The following DIAPH1 variants were observed in gnomAD, a reference collection of about 807,000 sequenced individuals.
The protein encoded by DIAPH1 is diaphanous related formin 1.
Under a neutral mutation model 140.7 loss-of-function variants are expected in DIAPH1, and 46 were observed. That is an observed-to-expected ratio of 0.33 (90% CI 0.26 to 0.42). The LOEUF (loss-of-function observed/expected upper bound fraction) is 0.42. DIAPH1 is among the 10% of genes least tolerant of loss of function. The pLI is 1.00. For synonymous variants in DIAPH1, 565 were observed against 551.6 expected, an observed-to-expected ratio of 1.02 and a Z score of -0.34; for missense variants, 1,310 against 1,558.7, an observed-to-expected ratio of 0.84 and a Z score of 2.69.
chr5:141,578,052 T>C, intron 11 of DIAPH1, 173 bp downstream of exon 11: 1 of 697,438 alleles, frequency 1.4e-6, no homozygotes, highest in Non-Finnish European at 2.6e-6. Context: ...TGATCTATGA[T>C]AAGCTAAGTA....
At chr5:141,603,992 C>T (rs892005451) in intron 1 of DIAPH1, among the ~76,000 whole-genome samples, 2 of 152,138 alleles carry the variant, frequency 1.3e-5, no homozygotes, top group Admixed American at 6.6e-5. Context: ...AGGTAGAAAC[C>T]GGGCTGAGGA....
At chr5:141,617,031 C>A (rs1195353258) in intron 1 of DIAPH1, among the ~76,000 whole-genome samples, 2 of 152,182 alleles carry the variant, frequency 1.3e-5, no homozygotes, top group African/African-American at 2.4e-5. Context: ...TAAAATTCTA[C>A]TCAAGACATG....
intron 14 of DIAPH1, 65 bp from the exon 15 acceptor site, chr5:141,575,211 T>C: frequency 6.4e-7 from 1 of 1,550,720 alleles, no homozygotes; most frequent in East Asian, 2.2e-5. Context: ...CAAGTATTAT[T>C]ACCCATAATT....
intron 18 of DIAPH1, chr5:141,563,383 G>T (rs959977295): frequency 5.3e-5 from 8 of 152,168 alleles, no homozygotes; most frequent in African/African-American, 1.7e-4. Context: ...TACCTATTCA[G>T]ATACAGATAC....
intron 27 of DIAPH1, among the ~76,000 whole-genome samples, chr5:141,522,588 A>C (rs2099886718): frequency 6.6e-6 from 1 of 151,918 alleles, no homozygotes; most frequent in African/African-American, 2.4e-5. Flanking sequence ...CAAAAAAAAA[A>C]AAAAAAAAAA....
chr5:141,598,631 T>G (rs575226882), intron 1 of DIAPH1, among the ~76,000 whole-genome samples: 1 of 152,314 alleles, frequency 6.6e-6, no homozygotes, highest in East Asian at 1.9e-4. Context: ...TGTGGTAAGA[T>G]AAATCTTTTG....
intron 1 of DIAPH1, among the ~76,000 whole-genome samples, chr5:141,603,424 T>C (rs1031775596): frequency 9.9e-5 from 15 of 152,162 alleles, no homozygotes; most frequent in Non-Finnish European, 1.5e-5. Flanking sequence ...AAAGGAAACA[T>C]AGTAAAAGAC....
chr5:141,529,823 C>T, intron 19 of DIAPH1, 126 bp from the exon 20 acceptor site: 1 of 811,546 alleles, frequency 1.2e-6, no homozygotes, highest in South Asian at 1.4e-5. Flanking sequence ...GTGGCTCATG[C>T]CTGTAATCCC....
chr5:141,596,044 C>G, intron 1 of DIAPH1, among the ~76,000 whole-genome samples: 1 of 151,972 alleles, frequency 6.6e-6, no homozygotes. Context: ...ATCAGCCAGG[C>G]ATGGGCCAGC....
intron 18 of DIAPH1, among the ~76,000 whole-genome samples, chr5:141,548,288 A>G (rs1316845895): frequency 6.6e-6 from 1 of 152,022 alleles, no homozygotes; most frequent in Non-Finnish European, 1.5e-5. Context: ...TTTAAAAAAA[A>G]AAAAAAGAAA....
At chr5:141,575,961 C>T (rs1411143811) in intron 14 of DIAPH1, among the ~76,000 whole-genome samples, 1 of 152,160 alleles carries the variant, frequency 6.6e-6, no homozygotes, top group Admixed American at 6.5e-5. Flanking sequence ...CTGAGAGTGC[C>T]ATTACTATTA....
At chr5:141,559,442 C>T (rs2099893178) in intron 18 of DIAPH1, among the ~76,000 whole-genome samples, 1 of 152,106 alleles carries the variant, frequency 6.6e-6, no homozygotes, top group Non-Finnish European at 1.5e-5. Context: ...TAAGGAGGGA[C>T]AGGGCAAACT....
chr5:141,560,048 G>A (rs1009137141), intron 18 of DIAPH1, among the ~76,000 whole-genome samples: 1 of 152,154 alleles, frequency 6.6e-6, no homozygotes, highest in African/African-American at 2.4e-5. Flanking sequence ...AAAAGATGAT[G>A]ACTTTTTAAA....
chr5:141,571,721 A>G, intron 17 of DIAPH1: 2 of 697,104 alleles, frequency 2.9e-6, no homozygotes, highest in Admixed American at 2.1e-5. Flanking sequence ...ACCTACATAC[A>G]ACAGTTCTCT....
At chr5:141,526,704 G>T (rs949378426) in intron 24 of DIAPH1, among the ~76,000 whole-genome samples, 84 of 152,102 alleles carry the variant, frequency 5.5e-4, no homozygotes, top group African/African-American at 9.6e-4. Flanking sequence ...GTTTGTTTGT[G>T]TTTGTTTGTT....
In DIAPH1 at chr5:141,515,294, G is replaced by GC. The variant is rs2099885515; in HGVS notation, c.*1556dup. 1 of 152,328 alleles carries GC rather than the reference G, an allele frequency of 6.6e-6. No individual in the cohort carries two copies. Among genetic ancestry groups the GC allele is most frequent in the Non-Finnish European group, 1.5e-5 (1 of 68,050 alleles). 9.4% of individuals were successfully genotyped at this position (152,328 alleles called of 1,614,324 possible). On this transcript the variant is annotated 3_prime_UTR_variant, in exon 28 of 28. Transcript: ENST00000389054. ...CTCCCAGGAATAGTCCAAAGGAGCTGCTCTTGCCCCTTTATACACAAGCGC... is the reference window on the plus strand; with the variant it reads ...CTCCCAGGAATAGTCCAAAGGAGCTGCCTCTTGCCCCTTTATACACAAGCGC...
chr5:141,566,256 G>A (rs1252335594), intron 18 of DIAPH1, among the ~76,000 whole-genome samples: 2 of 152,186 alleles, frequency 1.3e-5, no homozygotes, highest in African/African-American at 4.8e-5. Context: ...AAAATCAGTA[G>A]AAGAATTCAA....
chr5:141,568,274 C>G lies in DIAPH1; in HGVS notation c.2482+3154G>C, dbSNP rs2099894673. On this transcript the variant is annotated intron_variant, in intron 18 of 27. Transcript: ENST00000389054. Reference sequence around the variant, plus strand: ...GCTACTACAGCAATGAAAATGCTCCCTTGGAGAAAATGAAACAAAAAAAAA... The same window carrying G: ...GCTACTACAGCAATGAAAATGCTCCGTTGGAGAAAATGAAACAAAAAAAAA... Among the ~76,000 whole-genome samples the G allele has an allele frequency of 4.0e-5, 6 of 149,290 alleles. No homozygotes were observed. The Middle Eastern group carries it at 0.014, about 350-fold the overall frequency.
chr5:141,531,936 C>T lies in DIAPH1; in HGVS notation c.2582-2239G>A, dbSNP rs138392813. Among the ~76,000 whole-genome samples, 122 of 152,294 alleles carry T rather than the reference C, an allele frequency of 8.0e-4. 2 individuals carry two copies. The highest frequency in any genetic ancestry group is 2.8e-3 in the African/African-American group (117 of 41,554). On this transcript the variant is annotated intron_variant, in intron 19 of 27. Coordinates refer to ENST00000389054, the MANE Select transcript of DIAPH1 (RefSeq NM_005219.5). ...CCTTAGCAATCCAGCCTCAAAATCA[C>T]TGCCAAAGCAGCCTTCCTAAAAATT...
Sources: allele counts gnomAD v4.1 joint callset (sites outside exome capture counted in the v4.1 genomes callset), GRCh38; gene constraint gnomAD v4.1.1; transcripts MANE v1.5; gene names NCBI Gene and HGNC (gene_info 2026-07-23, HGNC 2026-07-21).